Variants in NKAIN2 observed in about 807,000 individuals in gnomAD.
NKAIN2 encodes sodium/potassium-transporting ATPase subunit beta-1-interacting protein 2.
In NKAIN2, 14 loss-of-function variants were observed where a neutral mutation model predicts 32.6. That is an observed-to-expected ratio of 0.43 (90% CI 0.28 to 0.67). The LOEUF (loss-of-function observed/expected upper bound fraction) is 0.67. NKAIN2 is among the 30% of genes least tolerant of loss of function. The pLI is 0.17. For synonymous variants in NKAIN2, 80 were observed against 87.2 expected (o/e 0.92, Z 0.46); for missense variants, 198 against 258.3 (o/e 0.77, Z 1.60).
chr6:124,505,342 G>A (rs993904227), intron 3 of NKAIN2, among the ~76,000 whole-genome samples: 5 of 152,046 alleles, frequency 3.3e-5, no homozygotes, highest in East Asian at 1.9e-4. Context: ...CTTCAATCTC[G>A]AGAGCTCTGT....
intron 3 of NKAIN2, among the ~76,000 whole-genome samples, chr6:124,405,985 C>T (rs962995223): frequency 4.8e-5 from 7 of 147,042 alleles, no homozygotes; most frequent in Admixed American, 4.7e-4. Flanking sequence ...AACCTGTACC[C>T]TTTACCCAAT....
rs186966560 is a variant in NKAIN2, at chr6:124,538,849, A to G, written c.274-119337A>G. 9.1e-4 allele frequency among the ~76,000 whole-genome samples: 139 copies of G among 152,130 alleles called. 2 individuals are homozygous for G. The highest frequency in any genetic ancestry group is 1.6e-4 in the Non-Finnish European group (11 of 67,956). The stretch of plus-strand genomic sequence containing the variant: ...CCCATATTTTTTCCCCTTTTATTTA[A>G]TGATTGTATTTTTCGTTTTCAAAAT... On this transcript the variant is annotated intron_variant, in intron 3 of 6. Coordinates refer to ENST00000368417, the MANE Select transcript of NKAIN2 (RefSeq NM_001040214.3).
intron 4 of NKAIN2, among the ~76,000 whole-genome samples, chr6:124,765,597 CTTAAG>C (rs1208451488): frequency 2.6e-5 from 4 of 152,196 alleles, no homozygotes; most frequent in Admixed American, 2.6e-4. Context: ...TCACACTCCT[CTTAAG>C]TTGTTTTTGA....
At chr6:124,134,124 T>TTA (rs1786613902) in intron 1 of NKAIN2, among the ~76,000 whole-genome samples, 1 of 145,886 alleles carries the variant, frequency 6.9e-6, no homozygotes, top group Non-Finnish European at 1.5e-5. Flanking sequence ...TAAAAGAAAT[T>TTA]AAAAAAAAAA....
chr6:123,851,180 T>C (rs1322587332), intron 1 of NKAIN2, among the ~76,000 whole-genome samples: 1 of 151,922 alleles, frequency 6.6e-6, no homozygotes, highest in African/African-American at 2.4e-5. Context: ...CTCTTCAACA[T>C]ACTGATTTCA....
At chr6:124,403,091 A>G (rs1022196757) in intron 3 of NKAIN2, among the ~76,000 whole-genome samples, 1 of 152,222 alleles carries the variant, frequency 6.6e-6, no homozygotes. Context: ...TTCATTTGTT[A>G]GAATAAAATT....
chr6:124,600,794 G>A (rs1782275810), intron 3 of NKAIN2, among the ~76,000 whole-genome samples: 1 of 151,970 alleles, frequency 6.6e-6, no homozygotes, highest in African/African-American at 2.4e-5. Flanking sequence ...TTGCCTTAGG[G>A]TAGAAGAGTA....
At chr6:123,864,928 G>A (rs895463815) in intron 1 of NKAIN2, among the ~76,000 whole-genome samples, 1 of 151,938 alleles carries the variant, frequency 6.6e-6, no homozygotes, top group African/African-American at 2.4e-5. Context: ...AAATATCTTG[G>A]TTAATTATCT....
chr6:124,064,229 G>C (rs1582565170), intron 1 of NKAIN2, among the ~76,000 whole-genome samples: 1 of 152,052 alleles, frequency 6.6e-6, no homozygotes, highest in South Asian at 2.1e-4. Context: ...AACATATAAT[G>C]TTAACTTACA....
chr6:124,735,613 C>CAACACAAT (rs1317568935), intron 4 of NKAIN2, among the ~76,000 whole-genome samples: 1 of 151,826 alleles, frequency 6.6e-6, no homozygotes, highest in Non-Finnish European at 1.5e-5. Flanking sequence ...GCAAGGCTAT[C>CAACACAAT]AACACAATTT....
At chr6:124,483,856 C>CTTTGTA (rs1226711742) in intron 3 of NKAIN2, among the ~76,000 whole-genome samples, 1 of 151,572 alleles carries the variant, frequency 6.6e-6, no homozygotes, top group African/African-American at 2.4e-5. Flanking sequence ...AACAAAATAC[C>CTTTGTA]TTTGTAATGA....
intron 1 of NKAIN2, among the ~76,000 whole-genome samples, chr6:124,218,718 T>C (rs959688896): frequency 6.6e-6 from 1 of 152,214 alleles, no homozygotes. Context: ...AAGTTGTAGA[T>C]AGATTTAGTG....
chr6:124,807,187 T>A (rs1474061749), intron 5 of NKAIN2, among the ~76,000 whole-genome samples: 4 of 152,058 alleles, frequency 2.6e-5, no homozygotes, highest in Non-Finnish European at 5.9e-5. Flanking sequence ...AGAATATACA[T>A]TTTTTTCAGC....
chr6:124,526,107 T>C (rs530792483), intron 3 of NKAIN2, among the ~76,000 whole-genome samples: 1 of 152,234 alleles, frequency 6.6e-6, no homozygotes, highest in African/African-American at 2.4e-5. Context: ...GGGAATCTTC[T>C]AGATAGAAGA....
intron 3 of NKAIN2, among the ~76,000 whole-genome samples, chr6:124,440,006 T>C (rs1393041258): frequency 6.6e-6 from 1 of 152,114 alleles, no homozygotes; most frequent in Non-Finnish European, 1.5e-5. Flanking sequence ...GAACTATGTC[T>C]GAGATGATTC....
chr6:124,326,283 T>C (rs1213757847), intron 2 of NKAIN2, among the ~76,000 whole-genome samples: 2 of 152,044 alleles, frequency 1.3e-5, no homozygotes, highest in Non-Finnish European at 2.9e-5. Flanking sequence ...TTTATGGTGA[T>C]TTTACTTTCA....
chr6:124,668,978 C>G (rs533825160), intron 4 of NKAIN2, among the ~76,000 whole-genome samples: 28 of 152,136 alleles, frequency 1.8e-4, no homozygotes, highest in Non-Finnish European at 3.4e-4. Context: ...AAACTTGTGG[C>G]CTTAAAAGCT....
Position 124,603,729 on chromosome 6 carries a change from AG to A in NKAIN2, c.274-54454del, listed in dbSNP as rs537960286. ...CCCAAACTGATACACTGAGAGTTAA[AG>A]GGACAAGAAAGTGGGAAATAGGGCT... On this transcript the variant is annotated intron_variant, in intron 3 of 6. Coordinates refer to ENST00000368417, the MANE Select transcript of NKAIN2 (RefSeq NM_001040214.3). Among the ~76,000 whole-genome samples, 940 of 152,094 alleles carry A rather than the reference AG, an allele frequency of 6.2e-3. 3 individuals are homozygous for A. The highest frequency in any genetic ancestry group is 9.7e-3 in the Non-Finnish European group (657 of 67,910).
intron 4 of NKAIN2, among the ~76,000 whole-genome samples, chr6:124,746,011 G>C (rs1244720131): frequency 6.6e-6 from 1 of 151,796 alleles, no homozygotes; most frequent in Non-Finnish European, 1.5e-5. Flanking sequence ...AACAGTATCA[G>C]ATATTGTAAC....
Sources: allele counts gnomAD v4.1 joint callset (sites outside exome capture counted in the v4.1 genomes callset), GRCh38; gene constraint gnomAD v4.1.1; transcripts MANE v1.5; gene names NCBI Gene and HGNC (gene_info 2026-07-23, HGNC 2026-07-21).